KIAA0319: variants seen among roughly 807,000 people sequenced by gnomAD.
KIAA0319 encodes KIAA0319.
Under a neutral mutation model 108.4 loss-of-function variants are expected in KIAA0319, and 83 were observed. That is an observed-to-expected ratio of 0.77 (90% confidence interval 0.64 to 0.92). The LOEUF is 0.92. KIAA0319 is among the 40% of genes least tolerant of loss of function. The pLI is 0.00. For synonymous variants in KIAA0319, 484 were observed against 510.4 expected (o/e 0.95, Z 0.70); for missense variants, 1,195 against 1,322.4 (o/e 0.90, Z 1.49).
intron 1 of KIAA0319, among the ~76,000 whole-genome samples, chr6:24,611,453 C>T (rs944704464): frequency 6.6e-6 from 1 of 151,954 alleles, no homozygotes; most frequent in East Asian, 1.9e-4. Context: ...AAGCTGAGAT[C>T]GTGCCACTGC....
chr6:24,576,730 G>C (rs1372436400), intron 9 of KIAA0319, 134 bp from the exon 10 acceptor site: 9 of 694,406 alleles, frequency 1.3e-5, no homozygotes, highest in Non-Finnish European at 1.3e-5. Flanking sequence ...AGACCAGCTG[G>C]GCCATAGAAG....
At chr6:24,573,201 C>A (rs1764980390) in intron 10 of KIAA0319, among the ~76,000 whole-genome samples, 2 of 152,172 alleles carry the variant, frequency 1.3e-5, no homozygotes. Flanking sequence ...CTACCATAGG[C>A]TTTTTGGAAG....
chr6:24,594,130 C>G (rs770141454), intron 3 of KIAA0319, among the ~76,000 whole-genome samples: 1 of 130,410 alleles, frequency 7.7e-6, no homozygotes, highest in African/African-American at 2.9e-5. Flanking sequence ...ACCTGGGCAG[C>G]GGAGGTTGCA....
chr6:24,541,390 C>A (rs1482668259), downstream of KIAA0319, among the ~76,000 whole-genome samples: 1 of 152,138 alleles, frequency 6.6e-6, no homozygotes, highest in Non-Finnish European at 1.5e-5. Flanking sequence ...ATCTTAATGG[C>A]CTCATTTTAC....
chr6:24,643,547 TTTGA>T (rs1777233357), intron 1 of KIAA0319, among the ~76,000 whole-genome samples: 1 of 152,186 alleles, frequency 6.6e-6, no homozygotes, highest in Admixed American at 6.5e-5. Context: ...ATTTTATGAT[TTTGA>T]TTATTATATT....
intron 13 of KIAA0319, among the ~76,000 whole-genome samples, chr6:24,567,862 G>T (rs1033139986): frequency 6.6e-6 from 1 of 152,140 alleles, no homozygotes; most frequent in Non-Finnish European, 1.5e-5. Context: ...GGCAAATCCT[G>T]CTTGTCCAGA....
intron 1 of KIAA0319, among the ~76,000 whole-genome samples, chr6:24,608,930 CAAAA>C (rs57120652): frequency 7.3e-4 from 22 of 30,100 alleles, no homozygotes; most frequent in South Asian, 2.7e-3. Context: ...GACTCCGTCT[CAAAA>C]AAAAAAAAAA....
intron 19 of KIAA0319, among the ~76,000 whole-genome samples, chr6:24,553,698 CT>C: frequency 6.6e-6 from 1 of 152,272 alleles, no homozygotes; most frequent in South Asian, 2.1e-4. Flanking sequence ...CCCACTCAGC[CT>C]GTTAGTATCA....
chr6:24,542,792 C>A (rs989440560), downstream of KIAA0319, among the ~76,000 whole-genome samples: 1 of 152,236 alleles, frequency 6.6e-6, no homozygotes, highest in East Asian at 1.9e-4. Context: ...CCAAAACCCA[C>A]ACCTTTGTTC....
At chr6:24,600,353 C>T (rs1204532137) in intron 2 of KIAA0319, among the ~76,000 whole-genome samples, 2 of 152,060 alleles carry the variant, frequency 1.3e-5, no homozygotes, top group African/African-American at 4.8e-5. Context: ...TGGGCTTTTC[C>T]AATGGCAATA....
intron 10 of KIAA0319, 81 bp downstream of exon 10, chr6:24,576,287 G>A (rs1765490384): frequency 1.8e-6 from 2 of 1,082,112 alleles, no homozygotes; most frequent in East Asian, 4.7e-5. Flanking sequence ...AAATTTAACT[G>A]CCTACCCCAA....
At chr6:24,624,018 T>TTTTC (rs1491423784) in intron 1 of KIAA0319, among the ~76,000 whole-genome samples, 5,807 of 75,090 alleles carry the variant, frequency 0.077, 799 homozygotes, top group African/African-American at 0.17. Flanking sequence ...CTTTGTTTTC[T>TTTTC]TTTTTTTTTT....
intron 1 of KIAA0319, among the ~76,000 whole-genome samples, chr6:24,607,858 T>C (rs569139959): frequency 2.0e-5 from 3 of 152,226 alleles, no homozygotes; most frequent in Non-Finnish European, 4.4e-5. Context: ...TAAAATGCCA[T>C]GATTTCAAAA....
Position 24,579,904 on chromosome 6 carries a change from C to G in KIAA0319, c.1326G>C (p.Leu442=). 4 of 1,603,618 alleles carry G rather than the reference C, an allele frequency of 2.5e-6. No homozygotes were observed. Among genetic ancestry groups the G allele is most frequent in the Non-Finnish European group, 3.4e-6 (4 of 1,174,656 alleles). ...LPPVAVVSPQ[L]QELTLPLTSA... ...ACGTCAAAGGCAAAGTGAGCTCTTGCAGTTGGGGAGAAACAACTGCTACAG... is the reference window on the plus strand; with the variant it reads ...ACGTCAAAGGCAAAGTGAGCTCTTGGAGTTGGGGAGAAACAACTGCTACAG... The change falls in exon 8 of 21, where the codon CTG becomes CTC. Residue 442 remains leucine (L), a synonymous_variant. Coordinates refer to ENST00000378214, the MANE Select transcript of KIAA0319 (RefSeq NM_014809.4).
rs536406974 is a variant in KIAA0319, at chr6:24,595,420, G to A, written c.801+453C>T. Among the ~76,000 whole-genome samples the A allele has an allele frequency of 1.5e-3, 232 of 151,966 alleles. 1 individual carries two copies. Among genetic ancestry groups the A allele is most frequent in the African/African-American group, 5.3e-3 (218 of 41,434 alleles). On this transcript the variant is annotated intron_variant, in intron 3 of 20. Coordinates refer to ENST00000378214, the MANE Select transcript of KIAA0319 (RefSeq NM_014809.4). ...AAATTAGCTGGGCATGGTGATGGGC[G>A]CCTATAGTCCCAGCTACTCGGGAGG...
chr6:24,584,336 C>A (rs1767104082), intron 4 of KIAA0319, among the ~76,000 whole-genome samples: 2 of 149,352 alleles, frequency 1.3e-5, no homozygotes, highest in African/African-American at 4.9e-5. Context: ...TTGATATATT[C>A]ATAAATTCTA....
chr6:24,581,474 C>G (rs1027233121), intron 6 of KIAA0319, among the ~76,000 whole-genome samples: 2 of 152,126 alleles, frequency 1.3e-5, no homozygotes, highest in Admixed American at 6.5e-5. Context: ...GACTAGATCT[C>G]TAGTCGCTAA....
chr6:24,618,202 A>G (rs1227134374), intron 1 of KIAA0319, among the ~76,000 whole-genome samples: 1 of 152,134 alleles, frequency 6.6e-6, no homozygotes, highest in Non-Finnish European at 1.5e-5. Context: ...AAATTAACTT[A>G]AAGTTGTCCT....
intron 1 of KIAA0319, among the ~76,000 whole-genome samples, chr6:24,609,343 C>T (rs542248762): frequency 6.6e-5 from 10 of 151,236 alleles, no homozygotes; most frequent in African/African-American, 2.4e-4. Flanking sequence ...CTTTGGGAGC[C>T]CGAGGCAGGC....
Sources: allele counts gnomAD v4.1 joint callset (sites outside exome capture counted in the v4.1 genomes callset), GRCh38; gene constraint gnomAD v4.1.1; transcripts MANE v1.5; gene names NCBI Gene and HGNC (gene_info 2026-07-23, HGNC 2026-07-21).